Variants in CNTNAP2 observed in about 807,000 individuals in gnomAD.
CNTNAP2 encodes contactin-associated protein-like 2.
A neutral mutation model predicts 155.2 loss-of-function variants in CNTNAP2; 98 were observed. The ratio of observed to expected loss-of-function variants is 0.63; its 90% CI spans 0.54 to 0.75. The LOEUF (loss-of-function observed/expected upper bound fraction) is 0.75, where lower values mean the gene tolerates loss of function less well. CNTNAP2 is among the 30% of genes least tolerant of loss of function. The pLI, the probability that CNTNAP2 is intolerant of heterozygous loss-of-function variation, is 0.00. For synonymous variants in CNTNAP2, 651 were observed against 631.2 expected (o/e 1.03, Z -0.47); for missense variants, 1,727 against 1,688.1 (o/e 1.02, Z -0.40).
intron 1 of CNTNAP2, among the ~76,000 whole-genome samples, chr7:146,630,278 C>T (rs1282494764): frequency 6.6e-6 from 1 of 152,126 alleles, no homozygotes; most frequent in Non-Finnish European, 1.5e-5. Flanking sequence ...ATGATGGCTT[C>T]CAGCTTCATC....
chr7:147,700,688 C>G (rs553121224), intron 13 of CNTNAP2, among the ~76,000 whole-genome samples: 1 of 152,226 alleles, frequency 6.6e-6, no homozygotes, highest in South Asian at 2.1e-4. Flanking sequence ...CACAATTGCT[C>G]CCACAGTGCT....
At chr7:147,082,466 A>G (rs1340571479) in intron 4 of CNTNAP2, 1 of 152,186 alleles carries the variant, frequency 6.6e-6, no homozygotes, top group Non-Finnish European at 1.5e-5. Context: ...AAAGGAGAAT[A>G]GAAAACTAGT....
chr7:147,927,835 C>T (rs920233167), intron 14 of CNTNAP2, among the ~76,000 whole-genome samples: 8 of 152,194 alleles, frequency 5.3e-5, no homozygotes, highest in African/African-American at 1.2e-4. Context: ...GTGCAATGGC[C>T]GAGACCTTGA....
chr7:146,133,352 AT>A (rs1797746432), intron 1 of CNTNAP2, among the ~76,000 whole-genome samples: 1 of 151,730 alleles, frequency 6.6e-6, no homozygotes, highest in Non-Finnish European at 1.5e-5. Context: ...ATTTTCTCCC[AT>A]TTTGTAGGTT....
At chr7:146,360,902 G>C (rs28639789) in intron 1 of CNTNAP2, among the ~76,000 whole-genome samples, 3 of 152,206 alleles carry the variant, frequency 2.0e-5, no homozygotes, top group East Asian at 3.9e-4. Flanking sequence ...TCATCAATTC[G>C]TGGCCTTAAG....
At chr7:146,580,344 G>A (rs1219663586) in intron 1 of CNTNAP2, among the ~76,000 whole-genome samples, 1 of 151,826 alleles carries the variant, frequency 6.6e-6, no homozygotes, top group African/African-American at 2.4e-5. Flanking sequence ...AGTGAAAGTA[G>A]GGCAGTGACC....
intron 1 of CNTNAP2, among the ~76,000 whole-genome samples, chr7:146,236,489 C>T (rs569686267): frequency 2.6e-5 from 4 of 152,164 alleles, no homozygotes; most frequent in Non-Finnish European, 5.9e-5. Context: ...GAATGCTACA[C>T]AGTCATATTT....
chr7:148,217,587 G>C, intron 19 of CNTNAP2, 63 bp downstream of exon 19: 2 of 1,528,032 alleles, frequency 1.3e-6, no homozygotes, highest in Non-Finnish European at 1.8e-6. Context: ...GTTCTAGCAA[G>C]AGTCTATAGA....
At chr7:146,838,400 C>T (rs1803657166) in intron 2 of CNTNAP2, among the ~76,000 whole-genome samples, 1 of 152,158 alleles carries the variant, frequency 6.6e-6, no homozygotes, top group Non-Finnish European at 1.5e-5. Flanking sequence ...TCACTGCAAC[C>T]TCTGCCTCCC....
At chr7:147,340,223 T>A (rs1447581404) in intron 9 of CNTNAP2, among the ~76,000 whole-genome samples, 1 of 152,160 alleles carries the variant, frequency 6.6e-6, no homozygotes, top group Non-Finnish European at 1.5e-5. Context: ...CTTCCCTTAC[T>A]CCTAAGTTTA....
chr7:147,736,006 C>A (rs371349676), intron 13 of CNTNAP2, among the ~76,000 whole-genome samples: 1,522 of 117,970 alleles, frequency 0.013, 22 homozygotes, highest in Middle Eastern at 0.035. Context: ...TTAATTGGAG[C>A]ATTAGCCCAT....
At chr7:147,297,789 TG>T (rs78489757) in intron 8 of CNTNAP2, among the ~76,000 whole-genome samples, 22,851 of 152,064 alleles carry the variant, frequency 0.15, 3,013 homozygotes, top group East Asian at 0.75. Context: ...GAGGAACAAT[TG>T]GGGGGTAATG....
In CNTNAP2 at chr7:148,213,778, T is replaced by C. The variant is rs181127074; in HGVS notation, c.3011-3510T>C. Among the ~76,000 whole-genome samples, 81 of 152,114 alleles carry C rather than the reference T, an allele frequency of 5.3e-4. 1 individual carries two copies. The East Asian group carries it at 0.013, about 24-fold the overall frequency. ...CTCCCCTGTCCTCTGTTAGACACAT[T>C]TACAGAAGCCTGTCCTAGGAGTGTC... On this transcript the variant is annotated intron_variant, in intron 18 of 23. Transcript: ENST00000361727.
At chr7:146,310,948 C>A (rs907399585) in intron 1 of CNTNAP2, among the ~76,000 whole-genome samples, 2 of 152,100 alleles carry the variant, frequency 1.3e-5, no homozygotes, top group Non-Finnish European at 2.9e-5. Context: ...TTGACTATTA[C>A]AATATAGCAT....
intron 3 of CNTNAP2, among the ~76,000 whole-genome samples, chr7:146,902,131 G>C (rs984766232): frequency 1.3e-5 from 2 of 151,766 alleles, no homozygotes; most frequent in African/African-American, 4.8e-5. Context: ...TGATCCACCC[G>C]TCTCGGCCTC....
At chr7:146,163,949 C>T (rs1798272613) in intron 1 of CNTNAP2, among the ~76,000 whole-genome samples, 3 of 152,088 alleles carry the variant, frequency 2.0e-5, no homozygotes, top group Admixed American at 1.3e-4. Context: ...AGCCTCATCT[C>T]CTTTTACCCC....
chr7:146,485,685 C>T (rs543293065), intron 1 of CNTNAP2, among the ~76,000 whole-genome samples: 3 of 152,018 alleles, frequency 2.0e-5, no homozygotes, highest in Non-Finnish European at 2.9e-5. Flanking sequence ...TGCAGTGGTG[C>T]GATCTTGGCT....
intron 8 of CNTNAP2, among the ~76,000 whole-genome samples, chr7:147,137,932 G>T (rs1242832686): frequency 1.3e-5 from 2 of 151,344 alleles, no homozygotes; most frequent in Admixed American, 1.3e-4. Flanking sequence ...TAGATAAAAA[G>T]TATTGTCCCT....
At chr7:148,262,425 T>A (rs1796579395) in intron 20 of CNTNAP2, among the ~76,000 whole-genome samples, 1 of 152,168 alleles carries the variant, frequency 6.6e-6, no homozygotes, top group South Asian at 2.1e-4. Flanking sequence ...TATCTCACAG[T>A]TCCAGAGGCC....
Sources: gnomAD v4.1 joint callset for allele counts (sites outside exome capture counted in the v4.1 genomes callset) on GRCh38, gnomAD v4.1.1 for gene constraint, MANE v1.5 for transcripts, NCBI Gene and HGNC (gene_info 2026-07-23, HGNC 2026-07-21) for gene names.